Variants in ELF5 observed in about 807,000 individuals in gnomAD.
The protein encoded by ELF5 is E74 like ETS transcription factor 5, also known as ETS-related transcription factor Elf-5.
Under a neutral mutation model 38.2 loss-of-function variants are expected in ELF5, and 31 were observed. The ratio of observed to expected loss-of-function variants is 0.81; its 90% CI spans 0.61 to 1.10. The LOEUF is 1.10. Among genes scored for constraint, ELF5 ranks in the 50% least tolerant of loss-of-function variants. ELF5 has a pLI of 0.00. For missense variants in ELF5, 300 were observed against 306.6 expected, an observed-to-expected ratio of 0.98 and a Z score of 0.16; for synonymous variants, 121 against 112.5, an observed-to-expected ratio of 1.08 and a Z score of -0.48.
chr11:34,487,010 G>C (rs552923039), intron 4 of ELF5, among the ~76,000 whole-genome samples: 2 of 152,168 alleles, frequency 1.3e-5, no homozygotes, highest in Non-Finnish European at 2.9e-5. Flanking sequence ...ATGATCACGT[G>C]TCCTGGACTT....
At chr11:34,506,083 T>C (rs1850608164) in intron 1 of ELF5, among the ~76,000 whole-genome samples, 1 of 152,210 alleles carries the variant, frequency 6.6e-6, no homozygotes, top group Admixed American at 6.5e-5. Flanking sequence ...TCCTGTTTGC[T>C]CACATCTGAC....
intron 2 of ELF5, among the ~76,000 whole-genome samples, chr11:34,503,795 C>T (rs375817573): frequency 9.8e-5 from 15 of 152,314 alleles, no homozygotes; most frequent in East Asian, 5.8e-4. Flanking sequence ...TACCAGGTAC[C>T]GGACTGTGTC....
intron 1 of ELF5, among the ~76,000 whole-genome samples, chr11:34,509,693 G>A (rs1233217415): frequency 6.6e-6 from 1 of 152,138 alleles, no homozygotes; most frequent in Non-Finnish European, 1.5e-5. Flanking sequence ...GGAGCTGAAA[G>A]CCACTTCTGC....
At chr11:34,483,592 A>G (rs928118544) in intron 4 of ELF5, among the ~76,000 whole-genome samples, 3 of 151,980 alleles carry the variant, frequency 2.0e-5, no homozygotes, top group South Asian at 4.1e-4. Context: ...ATACTGTACT[A>G]TACCACACCA....
intron 4 of ELF5, among the ~76,000 whole-genome samples, chr11:34,487,801 G>C (rs1850042838): frequency 6.6e-6 from 1 of 152,126 alleles, no homozygotes; most frequent in Admixed American, 6.5e-5. Flanking sequence ...TGTGGCTATT[G>C]AGCACTTGAA....
chr11:34,505,493 A>T, intron 2 of ELF5, 136 bp downstream of exon 2: 1 of 1,309,854 alleles, frequency 7.6e-7, no homozygotes, highest in Non-Finnish European at 1.0e-6. Flanking sequence ...TCCATCCAGG[A>T]GCCCTCCAGC....
intron 4 of ELF5, among the ~76,000 whole-genome samples, chr11:34,485,645 A>C (rs1017072315): frequency 6.6e-6 from 1 of 152,082 alleles, no homozygotes; most frequent in Non-Finnish European, 1.5e-5. Context: ...GGCTGATGGG[A>C]ATTTCTTCCG....
At chr11:34,490,831 C>T (rs1850151589) in intron 3 of ELF5, among the ~76,000 whole-genome samples, 1 of 152,128 alleles carries the variant, frequency 6.6e-6, no homozygotes, top group Non-Finnish European at 1.5e-5. Context: ...GCGTCATGTT[C>T]TCATTGGTTT....
At chr11:34,506,554 G>A (rs1003057294) in intron 1 of ELF5, among the ~76,000 whole-genome samples, 6 of 152,054 alleles carry the variant, frequency 3.9e-5, no homozygotes, top group Non-Finnish European at 7.4e-5. Context: ...CTGCTCTGTC[G>A]CCAGGCTGGA....
At chr11:34,500,451 G>T (rs969390505) in intron 2 of ELF5, among the ~76,000 whole-genome samples, 7 of 152,210 alleles carry the variant, frequency 4.6e-5, no homozygotes, top group African/African-American at 1.7e-4. Context: ...ATAGCCTATG[G>T]AAAGAGACCA....
At chr11:34,502,330 T>G (rs1850492764) in intron 2 of ELF5, among the ~76,000 whole-genome samples, 1 of 152,162 alleles carries the variant, frequency 6.6e-6, no homozygotes, top group Admixed American at 6.5e-5. Flanking sequence ...GGTAAGGACC[T>G]CAGGAGAGGT....
At chr11:34,513,431 G>C (rs1180266285) in intron 1 of ELF5, among the ~76,000 whole-genome samples, 2 of 152,276 alleles carry the variant, frequency 1.3e-5, no homozygotes, top group Non-Finnish European at 2.9e-5. Flanking sequence ...GTTCAGCTAA[G>C]GGATCCAGAG....
intron 3 of ELF5, among the ~76,000 whole-genome samples, chr11:34,491,416 A>G (rs977507745): frequency 3.3e-5 from 5 of 150,514 alleles, no homozygotes; most frequent in Admixed American, 2.0e-4. Flanking sequence ...CTCCTGGCCT[A>G]GAGAGTGCTT....
chr11:34,486,131 G>A (rs969235571), intron 4 of ELF5, among the ~76,000 whole-genome samples: 1 of 152,128 alleles, frequency 6.6e-6, no homozygotes, highest in South Asian at 2.1e-4. Context: ...CAGGGTTTCC[G>A]AAACAAGTTT....
intron 3 of ELF5, chr11:34,493,267 T>C (rs374471688): frequency 3.3e-6 from 2 of 607,660 alleles, no homozygotes; most frequent in East Asian, 2.7e-5. Flanking sequence ...TTTTTTTAAA[T>C]GCACTCAATT....
intron 1 of ELF5, among the ~76,000 whole-genome samples, chr11:34,513,147 G>A (rs1850805627): frequency 6.6e-6 from 1 of 152,208 alleles, no homozygotes; most frequent in Admixed American, 6.5e-5. Context: ...CTCTTCTGGG[G>A]AGATGTCAGA....
chr11:34,484,719 G>A (rs1264348132), intron 4 of ELF5, among the ~76,000 whole-genome samples: 1 of 152,106 alleles, frequency 6.6e-6, no homozygotes, highest in African/African-American at 2.4e-5. Context: ...GATGAAGGCT[G>A]CACATTAGAT....
chr11:34,505,122 G>A (rs1487716733), intron 2 of ELF5, among the ~76,000 whole-genome samples: 2 of 152,172 alleles, frequency 1.3e-5, no homozygotes, highest in East Asian at 3.8e-4. Flanking sequence ...AAGTCACTTA[G>A]CCTCTCTGTA....
intron 2 of ELF5, among the ~76,000 whole-genome samples, chr11:34,499,939 G>A (rs563148777): frequency 1.3e-5 from 2 of 152,216 alleles, no homozygotes; most frequent in African/African-American, 2.4e-5. Flanking sequence ...TCCTTCACTG[G>A]TAAAATAAAA....
Sources: gnomAD v4.1 joint callset for allele counts (sites outside exome capture counted in the v4.1 genomes callset) on GRCh38, gnomAD v4.1.1 for gene constraint, MANE v1.5 for transcripts, NCBI Gene and HGNC (gene_info 2026-07-23, HGNC 2026-07-21) for gene names.